Variants in MRPS27 observed in about 807,000 individuals in gnomAD.
The protein encoded by MRPS27 is mitochondrial ribosomal protein S27.
Under a neutral mutation model 48.9 loss-of-function variants are expected in MRPS27, and 43 were observed. That is an observed-to-expected ratio of 0.88 (90% CI 0.69 to 1.13). The LOEUF is 1.13. MRPS27 is among the 50% of genes most tolerant of loss of function. The pLI is 0.00. For synonymous variants in MRPS27, 188 were observed against 171.9 expected, an observed-to-expected ratio of 1.09 and a Z score of -0.73; for missense variants, 467 against 476.3, an observed-to-expected ratio of 0.98 and a Z score of 0.18.
chr5:72,279,885 A>C (rs1220106801), intron 4 of MRPS27, among the ~76,000 whole-genome samples: 1 of 152,204 alleles, frequency 6.6e-6, no homozygotes, highest in East Asian at 1.9e-4. Flanking sequence ...TCTACCTAAA[A>C]AAAATGTGTG....
At chr5:72,292,203 G>GTTTT (rs1213885749) in intron 4 of MRPS27, among the ~76,000 whole-genome samples, 72 of 92,142 alleles carry the variant, frequency 7.8e-4, no homozygotes, top group African/African-American at 2.9e-3. Flanking sequence ...GGTATTACCA[G>GTTTT]TTTTTTTTTT....
chr5:72,262,240 A>T (rs1040419065), intron 4 of MRPS27, among the ~76,000 whole-genome samples: 3 of 152,192 alleles, frequency 2.0e-5, no homozygotes, highest in Non-Finnish European at 4.4e-5. Flanking sequence ...AATGAGAATA[A>T]GAGTATTCAC....
chr5:72,283,008 A>G (rs1255766577), intron 4 of MRPS27, among the ~76,000 whole-genome samples: 2 of 152,214 alleles, frequency 1.3e-5, no homozygotes, highest in African/African-American at 4.8e-5. Context: ...ACATGCTTTC[A>G]AAGTCTGAGG....
chr5:72,305,572 C>A (rs1009407500), intron 2 of MRPS27, among the ~76,000 whole-genome samples: 8 of 152,192 alleles, frequency 5.3e-5, no homozygotes, highest in Non-Finnish European at 1.2e-4. Context: ...CACAAACAAG[C>A]AAAACAGTAA....
At chr5:72,279,373 A>C (rs188119785) in intron 4 of MRPS27, among the ~76,000 whole-genome samples, 1 of 152,360 alleles carries the variant, frequency 6.6e-6, no homozygotes, top group Admixed American at 6.5e-5. Flanking sequence ...TTTGTTAGCT[A>C]CATGCATTGC....
chr5:72,226,298 A>T (rs9293821), intron 8 of MRPS27, 99 bp from the exon 9 acceptor site: 1,231,840 of 1,388,910 alleles, frequency 0.89, 548,151 homozygotes, highest in East Asian at 0.97. Context: ...ACCTGGCAGC[A>T]CTAGAAATAG....
chr5:72,273,423 C>T (rs1406729068), intron 4 of MRPS27, among the ~76,000 whole-genome samples: 3 of 152,216 alleles, frequency 2.0e-5, no homozygotes, highest in Non-Finnish European at 2.9e-5. Flanking sequence ...TACGTCCTCA[C>T]TCTCTGAGAA....
chr5:72,284,450 G>A (rs1031043580), intron 4 of MRPS27, among the ~76,000 whole-genome samples: 7 of 151,234 alleles, frequency 4.6e-5, no homozygotes, highest in African/African-American at 1.7e-4. Flanking sequence ...AAAAAATTTG[G>A]TTAATTTCCT....
At chr5:72,282,452 T>C (rs551292252) in intron 4 of MRPS27, among the ~76,000 whole-genome samples, 1 of 152,318 alleles carries the variant, frequency 6.6e-6, no homozygotes, top group Non-Finnish European at 1.5e-5. Flanking sequence ...GCCTTTCTCA[T>C]TGCCCTGTAG....
At chr5:72,318,189 T>TGTAA (rs1210735908) in intron 1 of MRPS27, among the ~76,000 whole-genome samples, 23 of 152,240 alleles carry the variant, frequency 1.5e-4, no homozygotes, top group African/African-American at 5.3e-4. Flanking sequence ...GTAAACGCAA[T>TGTAA]GTAAGTGGTT....
chr5:72,271,225 G>A (rs1283432934), intron 4 of MRPS27, among the ~76,000 whole-genome samples: 2 of 152,178 alleles, frequency 1.3e-5, no homozygotes, highest in African/African-American at 4.8e-5. Flanking sequence ...GGTTGGATAT[G>A]TAGGAAACAC....
intron 4 of MRPS27, among the ~76,000 whole-genome samples, chr5:72,251,919 G>C (rs1748677469): frequency 6.6e-6 from 1 of 152,162 alleles, no homozygotes; most frequent in Non-Finnish European, 1.5e-5. Flanking sequence ...AACCTGAAAG[G>C]AGTTTAAGGC....
intron 4 of MRPS27, among the ~76,000 whole-genome samples, chr5:72,291,092 G>A (rs936782263): frequency 6.6e-6 from 1 of 152,170 alleles, no homozygotes; most frequent in Admixed American, 6.5e-5. Context: ...TTTTTCCGGT[G>A]CTGTAGGGAA....
intron 4 of MRPS27, among the ~76,000 whole-genome samples, chr5:72,253,756 T>A (rs1173369699): frequency 6.6e-6 from 1 of 152,228 alleles, no homozygotes; most frequent in African/African-American, 2.4e-5. Context: ...ATGGATGGTG[T>A]GCTCAGTGTT....
intron 4 of MRPS27, among the ~76,000 whole-genome samples, chr5:72,260,322 G>T (rs1243510651): frequency 6.6e-6 from 1 of 152,076 alleles, no homozygotes; most frequent in Non-Finnish European, 1.5e-5. Context: ...TGTCCACCTG[G>T]AATTTATTCT....
intron 1 of MRPS27, among the ~76,000 whole-genome samples, chr5:72,315,490 G>C (rs1056613114): frequency 7.3e-5 from 11 of 150,946 alleles, no homozygotes; most frequent in Admixed American, 2.6e-4. Context: ...CCGGGAGGCA[G>C]AGGTTGCAGT....
At chr5:72,301,119 T>C (rs924519333) in intron 2 of MRPS27, among the ~76,000 whole-genome samples, 2 of 152,254 alleles carry the variant, frequency 1.3e-5, no homozygotes, top group Admixed American at 6.5e-5. Flanking sequence ...TGAAAACCTA[T>C]TGTTGTGCAT....
intron 5 of MRPS27, 55 bp from the exon 6 acceptor site, chr5:72,234,252 T>G: frequency 7.6e-7 from 1 of 1,313,142 alleles, no homozygotes. Context: ...TAATTTAGTC[T>G]GTAATATATG....
rs546272621 is a variant in MRPS27 at position 72,300,342 on chromosome 5, A to G, written c.152-2640T>C. Among the ~76,000 whole-genome samples the G allele has an allele frequency of 8.5e-5, 13 of 152,158 alleles. No individual in the cohort carries two copies. The East Asian group carries it at 1.7e-3, about 20-fold the overall frequency. On this transcript the variant is annotated intron_variant, in intron 2 of 10. Transcript: ENST00000261413. ...AGTAGACTGCAGACTTCCCTTCTCC[A>G]TCTATGCTCGGTCCCTAGGTGATCT... is the stretch of plus-strand genomic sequence containing the variant.
Sources: gnomAD v4.1 joint callset for allele counts (sites outside exome capture counted in the v4.1 genomes callset) on GRCh38, gnomAD v4.1.1 for gene constraint, MANE v1.5 for transcripts, NCBI Gene and HGNC (gene_info 2026-07-23, HGNC 2026-07-21) for gene names.